Variants in MANBA observed in about 807,000 individuals in gnomAD.
MANBA encodes beta-mannosidase.
A neutral mutation model predicts 111.1 loss-of-function variants in MANBA; 83 were observed. That is an observed-to-expected ratio of 0.75 (90% CI 0.63 to 0.90). MANBA has a LOEUF of 0.90. Ranked by LOEUF, MANBA falls within the 40% of genes least tolerant of loss-of-function variation. MANBA has a pLI of 0.00. For synonymous variants in MANBA, 370 were observed against 378.7 expected, an observed-to-expected ratio of 0.98 and a Z score of 0.27; for missense variants, 1,036 against 1,069.0, an observed-to-expected ratio of 0.97 and a Z score of 0.43.
At chr4:102,718,908 G>C (rs1294285681) in intron 4 of MANBA, among the ~76,000 whole-genome samples, 1 of 150,770 alleles carries the variant, frequency 6.6e-6, no homozygotes, top group Non-Finnish European at 1.5e-5. Flanking sequence ...GTACAAACAG[G>C]GAGTAAGTCA....
intron 5 of MANBA, among the ~76,000 whole-genome samples, chr4:102,691,636 G>GT (rs1201108767): frequency 2.0e-5 from 3 of 151,476 alleles, no homozygotes; most frequent in African/African-American, 7.3e-5. Flanking sequence ...CTTCTGAGCA[G>GT]CTGGCACTAT....
chr4:102,665,061 T>C, intron 10 of MANBA: 1 of 559,258 alleles, frequency 1.8e-6, no homozygotes, highest in Non-Finnish European at 3.2e-6. Context: ...TTATAAACAC[T>C]GATACATAGG....
At chr4:102,752,424 A>G in intron 1 of MANBA, 1 of 897,022 alleles carries the variant, frequency 1.1e-6, no homozygotes, top group Non-Finnish European at 1.9e-6. Flanking sequence ...TGACATTAGT[A>G]AAATGGTCTC....
chr4:102,710,222 T>C (rs1721997354), intron 5 of MANBA, among the ~76,000 whole-genome samples: 2 of 152,050 alleles, frequency 1.3e-5, no homozygotes, highest in African/African-American at 4.8e-5. Flanking sequence ...GTAAAATTAT[T>C]CCTCTTTGCA....
chr4:102,690,737 C>T lies in MANBA; in HGVS notation c.708G>A (p.Glu236=), dbSNP rs769969734. 2.3e-5 allele frequency: 36 copies of T among 1,588,056 alleles called. No individual in the cohort carries two copies. The highest frequency in any genetic ancestry group is 3.4e-6 in the Non-Finnish European group (4 of 1,164,530). Residue 236 remains glutamate, a synonymous_variant, in exon 6 of 17, where the codon GAG becomes GAA. Coordinates refer to ENST00000647097, the MANE Select transcript of MANBA (RefSeq NM_005908.4). ...KSAQEWNLEI[E]STFDVVSSKP... is the part of the protein sequence containing the mutation. ...TTGAGCTGACAACATCAAATGTAGACTCTATTTCCAGATTCCACTCCTGGG... is the reference window on the plus strand; with the variant it reads ...TTGAGCTGACAACATCAAATGTAGATTCTATTTCCAGATTCCACTCCTGGG...
intron 1 of MANBA, among the ~76,000 whole-genome samples, chr4:102,756,798 A>T (rs925773977): frequency 3.0e-5 from 1 of 33,478 alleles, no homozygotes; most frequent in Non-Finnish European, 5.5e-5. Context: ...GAGACTATCT[A>T]AAAAAAAAAA....
intron 4 of MANBA, among the ~76,000 whole-genome samples, chr4:102,717,362 T>G (rs1171645816): frequency 6.9e-6 from 1 of 144,218 alleles, no homozygotes; most frequent in African/African-American, 2.6e-5. Context: ...TGAGTTTTCC[T>G]GAAAAAAAAA....
rs1042249489 is a variant in MANBA at position 102,656,166 on chromosome 4, A to G, written c.1704+1516T>C. 2.0e-5 allele frequency among the ~76,000 whole-genome samples: 3 copies of G among 152,162 alleles called. No individual in the cohort carries two copies. In the South Asian group the frequency reaches 6.2e-4, roughly 32 times the overall value. ...TTCTTGGGGATGCTGAGGCAGGAGG[A>G]TTGCTTCAGCCTGAGAGGTCAAATC... On this transcript the variant is annotated intron_variant, in intron 12 of 16. Transcript: ENST00000647097.
intron 7 of MANBA, among the ~76,000 whole-genome samples, chr4:102,686,249 T>C (rs72940792): frequency 0.04 from 6,073 of 152,256 alleles, 405 homozygotes; most frequent in African/African-American, 0.13. Flanking sequence ...AAGACATTTA[T>C]TTCTCTGTCT....
intron 1 of MANBA, among the ~76,000 whole-genome samples, chr4:102,759,636 T>C (rs1724159269): frequency 6.6e-6 from 1 of 150,784 alleles, no homozygotes; most frequent in Non-Finnish European, 1.5e-5. Context: ...CACCTTGTCA[T>C]GCAAATAAAC....
At chr4:102,697,065 A>G (rs573930051) in intron 5 of MANBA, among the ~76,000 whole-genome samples, 56 of 152,294 alleles carry the variant, frequency 3.7e-4, no homozygotes, top group Admixed American at 5.2e-4. Context: ...TGAAACTGAA[A>G]TCAAGGCAAA....
At chr4:102,752,891 C>A (rs912176539) in intron 1 of MANBA, among the ~76,000 whole-genome samples, 3 of 152,128 alleles carry the variant, frequency 2.0e-5, no homozygotes, top group Non-Finnish European at 4.4e-5. Context: ...TGTACTCTTA[C>A]AGTTTATAGT....
chr4:102,715,494 T>A (rs770951517), intron 4 of MANBA, among the ~76,000 whole-genome samples: 4 of 152,238 alleles, frequency 2.6e-5, no homozygotes, highest in Non-Finnish European at 5.9e-5. Context: ...TCCACATATT[T>A]TCTTTTTTTA....
chr4:102,674,557 A>G (rs59953620), intron 7 of MANBA, among the ~76,000 whole-genome samples: 9,666 of 152,258 alleles, frequency 0.063, 982 homozygotes, highest in African/African-American at 0.22. Flanking sequence ...TTAATGGGTA[A>G]TTTAATCCTA....
intron 7 of MANBA, among the ~76,000 whole-genome samples, chr4:102,686,744 A>G (rs1463836057): frequency 6.6e-6 from 1 of 152,014 alleles, no homozygotes; most frequent in Admixed American, 6.6e-5. Context: ...CTCGTCAACC[A>G]TTCCTTCTTA....
Position 102,631,664 on chromosome 4 carries a change from C to A in MANBA, c.*393G>T. The A allele has an allele frequency of 2.1e-6, 1 of 466,758 alleles. No individual in the cohort carries two copies. Among genetic ancestry groups the A allele is most frequent in the South Asian group, 6.0e-5 (1 of 16,742 alleles). 28.9% of individuals were successfully genotyped at this position (466,758 alleles called of 1,614,324 possible). A position where few individuals can be genotyped will look rare whatever the true frequency, so the allele number is the denominator to read the frequency against. ...ACTTTATTTGAGTATTCCGTATTCC[C>A]CAAAGCTAGCTGTGAAAGACCTACA... On this transcript the variant is annotated 3_prime_UTR_variant, in exon 17 of 17. Coordinates refer to ENST00000647097, the MANE Select transcript of MANBA (RefSeq NM_005908.4).
At position 102,707,128 on chromosome 4, in the gene MANBA, A is replaced by T. The variant is rs147542465; in HGVS notation, c.673+7310T>A. On this transcript the variant is annotated intron_variant, in intron 5 of 16. Transcript: ENST00000647097. ...TAAGGCCTTCTCCATGGCACATTAC[A>T]GTCAAACTGTCAAAAGTCAAAGACA... is the stretch of plus-strand genomic sequence containing the variant. Among the ~76,000 whole-genome samples, 893 of 152,304 alleles carry T rather than the reference A, an allele frequency of 5.9e-3. 23 individuals are homozygous for T. The highest frequency in any genetic ancestry group is 0.055 in the East Asian group (285 of 5,180).
At chr4:102,719,587 T>C (rs1478181042) in intron 4 of MANBA, among the ~76,000 whole-genome samples, 1 of 152,226 alleles carries the variant, frequency 6.6e-6, no homozygotes, top group Non-Finnish European at 1.5e-5. Flanking sequence ...AAGCTGAGCA[T>C]CTTGTTCATT....
intron 5 of MANBA, among the ~76,000 whole-genome samples, chr4:102,707,249 C>T (rs1055821922): frequency 3.3e-5 from 5 of 152,048 alleles, no homozygotes; most frequent in South Asian, 4.1e-4. Flanking sequence ...TCAGCAAAAA[C>T]GTCACAGGCC....
Sources: allele counts gnomAD v4.1 joint callset (sites outside exome capture counted in the v4.1 genomes callset), GRCh38; gene constraint gnomAD v4.1.1; transcripts MANE v1.5; gene names NCBI Gene and HGNC (gene_info 2026-07-23, HGNC 2026-07-21).